The following KCNH7 variants were observed in gnomAD, a reference collection of about 807,000 sequenced individuals.
The protein encoded by KCNH7 is potassium voltage-gated channel subfamily H member 7.
A neutral mutation model predicts 120.8 loss-of-function variants in KCNH7; 49 were observed. The ratio of observed to expected loss-of-function variants is 0.41; its 90% CI spans 0.32 to 0.51. The LOEUF (loss-of-function observed/expected upper bound fraction) is 0.51, where lower values mean the gene tolerates loss of function less well. KCNH7 is among the 20% of genes least tolerant of loss of function. The pLI is 0.38. For missense variants in KCNH7, 1,097 were observed against 1,446.6 expected, an observed-to-expected ratio of 0.76 and a Z score of 3.92; for synonymous variants, 547 against 516.1, an observed-to-expected ratio of 1.06 and a Z score of -0.81.
intron 2 of KCNH7, among the ~76,000 whole-genome samples, chr2:162,815,027 CTGTT>C (rs1559146671): frequency 6.6e-6 from 1 of 152,082 alleles, no homozygotes; most frequent in African/African-American, 2.4e-5. Context: ...CTGCATTTGT[CTGTT>C]ACTTTGCCTC....
intron 5 of KCNH7, among the ~76,000 whole-genome samples, chr2:162,510,349 A>G (rs1166930131): frequency 6.6e-6 from 1 of 151,682 alleles, no homozygotes; most frequent in East Asian, 1.9e-4. Context: ...CATGATTAGC[A>G]GTAGTCAGCT....
Position 162,549,333 on chromosome 2 carries a change from T to TC in KCNH7, c.308-12254dup, listed in dbSNP as rs199592073. On this transcript the variant is annotated intron_variant, in intron 2 of 15. Coordinates refer to ENST00000332142, the MANE Select transcript of KCNH7 (RefSeq NM_033272.4). ...GTTGGATATAAAAGCTGGGGTTAAT[T>TC]CCATCAGCTGAAGGTTAAGCCGTTA... 3.2e-3 allele frequency among the ~76,000 whole-genome samples: 481 copies of TC among 152,334 alleles called. 2 individuals are homozygous for TC. The highest frequency in any genetic ancestry group is 0.011 in the African/African-American group (460 of 41,578).
chr2:162,722,451 T>C (rs1687351306), intron 2 of KCNH7, among the ~76,000 whole-genome samples: 1 of 151,954 alleles, frequency 6.6e-6, no homozygotes, highest in African/African-American at 2.4e-5. Context: ...GAGAAGCAAC[T>C]TTTGTTGAGA....
chr2:162,832,606 G>A (rs1169388798), intron 2 of KCNH7, among the ~76,000 whole-genome samples: 1 of 152,036 alleles, frequency 6.6e-6, no homozygotes, highest in Non-Finnish European at 1.5e-5. Context: ...TTAGAGGATG[G>A]AAATGAATAT....
chr2:162,457,809 T>C (rs1417360977), intron 6 of KCNH7, among the ~76,000 whole-genome samples: 1 of 152,096 alleles, frequency 6.6e-6, no homozygotes, highest in African/African-American at 2.4e-5. Flanking sequence ...AGTAACAAAA[T>C]GAATCAGATA....
At chr2:162,730,317 G>T (rs1185379663) in intron 2 of KCNH7, among the ~76,000 whole-genome samples, 1 of 150,644 alleles carries the variant, frequency 6.6e-6, no homozygotes, top group Non-Finnish European at 1.5e-5. Context: ...AGGTTTATAA[G>T]TAAAAGAAAT....
At chr2:162,676,222 C>G (rs866575376) in intron 2 of KCNH7, among the ~76,000 whole-genome samples, 60 of 151,554 alleles carry the variant, frequency 4.0e-4, no homozygotes, top group Middle Eastern at 3.4e-3. Context: ...AGATTTACCT[C>G]TAAGGCTCTG....
chr2:162,785,724 G>A (rs192221900), intron 2 of KCNH7, among the ~76,000 whole-genome samples: 95 of 152,194 alleles, frequency 6.2e-4, no homozygotes, highest in African/African-American at 2.2e-3. Context: ...TTTGTTTGCA[G>A]TTGGGGTGCA....
At chr2:162,439,545 A>T (rs1052832350) in intron 7 of KCNH7, among the ~76,000 whole-genome samples, 1 of 152,086 alleles carries the variant, frequency 6.6e-6, no homozygotes, top group African/African-American at 2.4e-5. Context: ...GTGATTGAAT[A>T]ATTTTCCAAC....
At chr2:162,528,372 A>G (rs1215311035) in intron 3 of KCNH7, 1 of 151,986 alleles carries the variant, frequency 6.6e-6, no homozygotes, top group African/African-American at 2.4e-5. Flanking sequence ...AACAGATGTG[A>G]CCAACGTGGT....
At chr2:162,690,268 A>G (rs1686053678) in intron 2 of KCNH7, among the ~76,000 whole-genome samples, 1 of 152,138 alleles carries the variant, frequency 6.6e-6, no homozygotes, top group African/African-American at 2.4e-5. Context: ...AGGAAAAATA[A>G]CTAATGGGTA....
intron 2 of KCNH7, among the ~76,000 whole-genome samples, chr2:162,820,448 A>C (rs1377304984): frequency 6.6e-6 from 1 of 152,108 alleles, no homozygotes; most frequent in African/African-American, 2.4e-5. Flanking sequence ...ATAGGCAATT[A>C]GGTGTGAAAG....
chr2:162,682,315 C>T (rs1036163554), intron 2 of KCNH7, among the ~76,000 whole-genome samples: 2 of 151,728 alleles, frequency 1.3e-5, no homozygotes, highest in African/African-American at 2.4e-5. Flanking sequence ...AAATCTGTCT[C>T]TCAAAGTTAG....
At chr2:162,754,792 T>G (rs1028686021) in intron 2 of KCNH7, among the ~76,000 whole-genome samples, 5 of 152,120 alleles carry the variant, frequency 3.3e-5, no homozygotes, top group Non-Finnish European at 7.4e-5. Flanking sequence ...AAAAATGAAT[T>G]ATGAAGAAGC....
chr2:162,446,995 A>C (rs896512248), intron 6 of KCNH7, among the ~76,000 whole-genome samples: 1 of 152,106 alleles, frequency 6.6e-6, no homozygotes, highest in Non-Finnish European at 1.5e-5. Flanking sequence ...AGGGGAAAAA[A>C]GGCAAATGAG....
chr2:162,561,669 C>T (rs976905939), intron 2 of KCNH7, among the ~76,000 whole-genome samples: 10 of 151,900 alleles, frequency 6.6e-5, no homozygotes, highest in East Asian at 1.9e-4. Context: ...TTCATATGTT[C>T]GTTGGTTGCA....
chr2:162,503,107 C>T (rs991176763), intron 6 of KCNH7, among the ~76,000 whole-genome samples: 1 of 152,060 alleles, frequency 6.6e-6, no homozygotes, highest in Non-Finnish European at 1.5e-5. Flanking sequence ...GGCCTGCACT[C>T]CACAGTTCGC....
intron 2 of KCNH7, among the ~76,000 whole-genome samples, chr2:162,806,979 C>T (rs992478045): frequency 6.6e-6 from 1 of 150,816 alleles, no homozygotes; most frequent in Admixed American, 6.6e-5. Flanking sequence ...ATAAGGAAAT[C>T]CAACAATAGA....
At chr2:162,807,272 A>AAAAAAAAAAAAAAAC (rs1559143065) in intron 2 of KCNH7, among the ~76,000 whole-genome samples, 3 of 119,104 alleles carry the variant, frequency 2.5e-5, no homozygotes, top group East Asian at 2.6e-4. Flanking sequence ...AAAAAAAAAA[A>AAAAAAAAAAAAAAAC]AAAAAAAAAA....
Sources: allele counts gnomAD v4.1 joint callset (sites outside exome capture counted in the v4.1 genomes callset), GRCh38; gene constraint gnomAD v4.1.1; transcripts MANE v1.5; gene names NCBI Gene and HGNC (gene_info 2026-07-23, HGNC 2026-07-21).